Variants in ESRRG observed in about 807,000 individuals in gnomAD.
The protein encoded by ESRRG is estrogen-related receptor gamma.
A neutral mutation model predicts 44.0 loss-of-function variants in ESRRG; 13 were observed. The ratio of observed to expected loss-of-function variants is 0.30; its 90% CI spans 0.19 to 0.47. The LOEUF (loss-of-function observed/expected upper bound fraction) is 0.47. Among genes scored for constraint, ESRRG ranks in the 20% least tolerant of loss-of-function variants. ESRRG has a pLI of 1.00. For missense variants in ESRRG, 395 were observed against 580.6 expected, an observed-to-expected ratio of 0.68 and a Z score of 3.29; for synonymous variants, 215 against 214.6, an observed-to-expected ratio of 1.00 and a Z score of -0.02.
At chr1:216,831,580 G>T (rs1044517686) in intron 2 of ESRRG, among the ~76,000 whole-genome samples, 2 of 151,770 alleles carry the variant, frequency 1.3e-5, no homozygotes, top group African/African-American at 2.4e-5. Context: ...AAGAGAAAGA[G>T]ATTACTAAAT....
chr1:217,023,695 C>T (rs962697488), intron 1 of ESRRG, among the ~76,000 whole-genome samples: 2 of 152,178 alleles, frequency 1.3e-5, no homozygotes, highest in African/African-American at 2.4e-5. Context: ...ATTTCCTTGG[C>T]GTGTCTCTGT....
intron 1 of ESRRG, chr1:216,686,261 T>G (rs1404777016): frequency 6.6e-6 from 1 of 151,974 alleles, no homozygotes; most frequent in Non-Finnish European, 1.5e-5. Flanking sequence ...AAATTCCTCC[T>G]CTATCCTCTT....
rs1469265912 is a variant in ESRRG at position 216,525,136 on chromosome 1, A to C, written c.863-5715T>G. Reference sequence around the variant, plus strand: ...ATTTAAAATACAATAGCAGCTAAGAAAAAATATTTCAAGTGACAATACAGG... The same window carrying C: ...ATTTAAAATACAATAGCAGCTAAGACAAAATATTTCAAGTGACAATACAGG... On this transcript the variant is annotated intron_variant, in intron 5 of 6. Coordinates refer to ENST00000408911, the MANE Select transcript of ESRRG (RefSeq NM_001438.4). 2.6e-5 allele frequency among the ~76,000 whole-genome samples: 4 copies of C among 152,326 alleles called. No individual in the cohort carries two copies. The South Asian group carries it at 8.3e-4, about 32-fold the overall frequency.
chr1:216,870,515 C>A (rs1221813745), intron 2 of ESRRG, among the ~76,000 whole-genome samples: 2 of 151,868 alleles, frequency 1.3e-5, no homozygotes, highest in Non-Finnish European at 2.9e-5. Flanking sequence ...CTCTTCTGGC[C>A]TCGTAAAATG....
At chr1:216,820,734 G>T (rs1046087141) in intron 2 of ESRRG, among the ~76,000 whole-genome samples, 1 of 152,186 alleles carries the variant, frequency 6.6e-6, no homozygotes, top group Admixed American at 6.5e-5. Flanking sequence ...TCTTATTAGG[G>T]TTAATAAATT....
At chr1:216,855,014 C>G (rs529835754) in intron 2 of ESRRG, 2 of 152,114 alleles carry the variant, frequency 1.3e-5, no homozygotes, top group East Asian at 3.9e-4. Context: ...TGAAAATGCC[C>G]GTGGACCAAC....
At chr1:216,561,381 A>C (rs1385923969) in intron 5 of ESRRG, among the ~76,000 whole-genome samples, 1 of 152,202 alleles carries the variant, frequency 6.6e-6, no homozygotes, top group Non-Finnish European at 1.5e-5. Context: ...TCACTTTAAC[A>C]TAAGCTTTAC....
intron 2 of ESRRG, among the ~76,000 whole-genome samples, chr1:216,752,137 A>T (rs2092077439): frequency 6.6e-6 from 1 of 152,128 alleles, no homozygotes; most frequent in African/African-American, 2.4e-5. Context: ...AAGGGCTATT[A>T]TTCCCATTTA....
intron 3 of ESRRG, among the ~76,000 whole-genome samples, chr1:216,590,010 A>G (rs1368700373): frequency 1.3e-5 from 2 of 151,628 alleles, no homozygotes; most frequent in South Asian, 2.1e-4. Flanking sequence ...TAATGAAAAC[A>G]TGGTGATATT....
chr1:216,812,184 C>G (rs954320190), intron 2 of ESRRG, among the ~76,000 whole-genome samples: 2 of 152,156 alleles, frequency 1.3e-5, no homozygotes, highest in African/African-American at 4.8e-5. Flanking sequence ...GTTAAAGAGT[C>G]AAACATATGC....
intron 2 of ESRRG, among the ~76,000 whole-genome samples, chr1:216,858,366 G>A (rs1449560910): frequency 2.0e-5 from 3 of 152,104 alleles, no homozygotes; most frequent in African/African-American, 7.2e-5. Flanking sequence ...GAACCTGGGA[G>A]GTGGAGCTTG....
At chr1:216,648,074 C>T (rs1012054874) in intron 3 of ESRRG, among the ~76,000 whole-genome samples, 1 of 152,134 alleles carries the variant, frequency 6.6e-6, no homozygotes, top group Non-Finnish European at 1.5e-5. Flanking sequence ...AGATTTACTA[C>T]ATCATGTTCT....
intron 2 of ESRRG, among the ~76,000 whole-genome samples, chr1:216,881,739 T>C (rs1017849804): frequency 3.3e-5 from 5 of 152,142 alleles, no homozygotes; most frequent in Non-Finnish European, 7.3e-5. Context: ...AGATGTGTAC[T>C]ACACAAATAT....
At chr1:216,654,913 C>A (rs1338318209) in intron 2 of ESRRG, among the ~76,000 whole-genome samples, 2 of 152,076 alleles carry the variant, frequency 1.3e-5, no homozygotes, top group African/African-American at 4.8e-5. Flanking sequence ...ATAATTGGAG[C>A]TACATTGGAG....
At chr1:216,833,045 C>T (rs191296271) in intron 2 of ESRRG, among the ~76,000 whole-genome samples, 47 of 151,616 alleles carry the variant, frequency 3.1e-4, no homozygotes, top group African/African-American at 1.0e-3. Flanking sequence ...CTGTAGGACA[C>T]CCAAAATTCT....
intron 1 of ESRRG, among the ~76,000 whole-genome samples, chr1:217,054,834 A>T (rs185964110): frequency 5.1e-4 from 78 of 152,270 alleles, no homozygotes; most frequent in African/African-American, 1.8e-3. Flanking sequence ...AGCTACGGTC[A>T]TTGATTATAA....
Position 217,048,402 on chromosome 1 carries a change from G to A in ESRRG, c.-106+41105C>T, listed in dbSNP as rs188885529. Among the ~76,000 whole-genome samples the A allele has an allele frequency of 1.3e-5, 2 of 152,242 alleles. 1 individual carries two copies. The highest frequency in any genetic ancestry group is 1.3e-4 in the Admixed American group (2 of 15,274). On this transcript the variant is annotated intron_variant, in intron 1 of 7. Transcript: ENST00000359162. ...ACGAGGCAGCAGAGGGGACTGCCAG[G>A]CCCCAATCTAGCTGAAATAGAACAG...
At chr1:216,724,465 A>G (rs1202688207), upstream of ESRRG, among the ~76,000 whole-genome samples, 1 of 151,848 alleles carries the variant, frequency 6.6e-6, no homozygotes, top group African/African-American at 2.4e-5. Context: ...TAGGAGGCAT[A>G]TAATTTTATA....
intron 1 of ESRRG, among the ~76,000 whole-genome samples, chr1:216,964,917 A>C (rs1400241765): frequency 1.3e-5 from 2 of 152,212 alleles, no homozygotes; most frequent in African/African-American, 4.8e-5. Flanking sequence ...CCTCAAATAC[A>C]GAAAAATACA....
Sources: gnomAD v4.1 joint callset for allele counts (sites outside exome capture counted in the v4.1 genomes callset) on GRCh38, gnomAD v4.1.1 for gene constraint, MANE v1.5 for transcripts, NCBI Gene and HGNC (gene_info 2026-07-23, HGNC 2026-07-21) for gene names.